The following DPF2 variants were observed in gnomAD, a reference collection of about 807,000 sequenced individuals.
DPF2 encodes the protein double PHD fingers 2.
In DPF2, 10 loss-of-function variants were observed where a neutral mutation model predicts 59.6. The ratio of observed to expected loss-of-function variants is 0.17; its 90% CI spans 0.10 to 0.28. DPF2 has a LOEUF of 0.28. Ranked by LOEUF, DPF2 falls within the 10% of genes least tolerant of loss-of-function variation. The pLI is 1.00. For missense variants in DPF2, 315 were observed against 509.4 expected, an observed-to-expected ratio of 0.62 and a Z score of 3.67; for synonymous variants, 189 against 190.6, an observed-to-expected ratio of 0.99 and a Z score of 0.07.
At chr11:65,340,189 G>A (rs1156813326) in intron 1 of DPF2, among the ~76,000 whole-genome samples, 196 bp from the exon 2 acceptor site, 1 of 152,166 alleles carries the variant, frequency 6.6e-6, no homozygotes, top group Non-Finnish European at 1.5e-5. Flanking sequence ...TAATTTATTT[G>A]TAAAGTAATT....
chr11:65,351,768 C>G lies in DPF2; in HGVS notation c.*9C>G, dbSNP rs758885245. Reference sequence around the variant, plus strand: ...ACCAGAACTCCTCTTGATGTGGCCACCCACCTGCTCCCCGACATATCTAAG... The same window carrying G: ...ACCAGAACTCCTCTTGATGTGGCCAGCCACCTGCTCCCCGACATATCTAAG... On this transcript the variant is annotated 3_prime_UTR_variant, in exon 11 of 11. Transcript: ENST00000528416. The G allele has an allele frequency of 6.2e-7, 1 of 1,612,272 alleles. No homozygotes were observed. Among genetic ancestry groups the G allele is most frequent in the African/African-American group, 1.3e-5 (1 of 74,998 alleles).
At chr11:65,339,770 C>G (rs1854309066) in intron 1 of DPF2, among the ~76,000 whole-genome samples, 1 of 152,138 alleles carries the variant, frequency 6.6e-6, no homozygotes. Flanking sequence ...AGCAGTGTAC[C>G]TTGCTTTGCT....
Position 65,349,609 on chromosome 11 carries a change from C to G in DPF2, c.1099+678C>G, listed in dbSNP as rs576963090. Among the ~76,000 whole-genome samples, 128 of 152,238 alleles carry G rather than the reference C, an allele frequency of 8.4e-4. No individual in the cohort carries two copies. The Middle Eastern group carries it at 0.01, about 12-fold the overall frequency. On this transcript the variant is annotated intron_variant, in intron 10 of 10. Transcript: ENST00000528416. The stretch of plus-strand genomic sequence containing the variant: ...AGGACATGGAGACCATCCTGGCTAA[C>G]ACGGTGAAACCCCGTCTCTACTAAA...
chr11:65,340,494 G>A lies in DPF2; in HGVS notation c.142G>A (p.Val48Ile). 6.2e-7 allele frequency: 1 copy of A among 1,614,252 alleles called. No homozygotes were observed. The highest frequency in any genetic ancestry group is 8.5e-7 in the Non-Finnish European group (1 of 1,180,042). Residue 48 changes from valine (V) to isoleucine (I), a missense_variant, in exon 2 of 11, where the codon GTA becomes ATA. By Grantham distance (29) the Val-to-Ile change is conservative (BLOSUM62 3). Transcript: ENST00000528416. ...RLPFLDSQTG[V>I]AQSNCYIWME... ...GCCTTTCTTGGACTCACAGACCGGA[G>A]TAGCCCAGAGCAATTGTTACATCTG...
At chr11:65,341,098 A>C in intron 3 of DPF2, 25 bp downstream of exon 3, 1 of 1,605,160 alleles carries the variant, frequency 6.2e-7, no homozygotes, top group Non-Finnish European at 8.5e-7. Context: ...TCCTGAGCAG[A>C]GGCGTGGCCT....
chr11:65,349,079 C>T, intron 10 of DPF2, 148 bp downstream of exon 10: 1 of 791,374 alleles, frequency 1.3e-6, no homozygotes, highest in Non-Finnish European at 2.0e-6. Flanking sequence ...GAATGCCTTC[C>T]TAACATTTCA....
intron 8 of DPF2, 72 bp from the exon 9 acceptor site, chr11:65,346,175 A>C: frequency 1.9e-6 from 3 of 1,597,672 alleles, no homozygotes; most frequent in Non-Finnish European, 2.6e-6. Context: ...GAGAAGATGT[A>C]GCCACAGGCA....
intron 1 of DPF2, among the ~76,000 whole-genome samples, chr11:65,337,640 G>A (rs1232812107): frequency 6.7e-6 from 1 of 149,386 alleles, no homozygotes; most frequent in Non-Finnish European, 1.5e-5. Flanking sequence ...GCCTCCCTCT[G>A]TCCCCCAGGC....
intron 4 of DPF2, among the ~76,000 whole-genome samples, chr11:65,342,877 G>A (rs149940807): frequency 0.01 from 1,562 of 151,606 alleles, 32 homozygotes; most frequent in African/African-American, 0.036. Context: ...AGCCAGGCGT[G>A]GTGGTGGGCA....
rs185459339 is a variant in DPF2, at chr11:65,350,469, G to C, written c.1100-1214G>C. Among the ~76,000 whole-genome samples, 101 of 145,622 alleles carry C rather than the reference G, an allele frequency of 6.9e-4. No individual in the cohort carries two copies. In the South Asian group the frequency reaches 0.021, roughly 31 times the overall value. On this transcript the variant is annotated intron_variant, in intron 10 of 10. Transcript: ENST00000528416. ...AGCTCACTGCAACCTCTGCTTCCCC[G>C]GGCTCAGGTAATCTGGTAATCCTCC... is the stretch of plus-strand genomic sequence containing the variant.
At chr11:65,336,375 C>T (rs1233975945) in intron 1 of DPF2, among the ~76,000 whole-genome samples, 1 of 151,672 alleles carries the variant, frequency 6.6e-6, no homozygotes, top group Admixed American at 6.6e-5. Flanking sequence ...ACCTGTAGTC[C>T]CAGCTACTTG....
chr11:65,341,619 C>A, intron 4 of DPF2, 57 bp downstream of exon 4: 3 of 1,601,540 alleles, frequency 1.9e-6, no homozygotes, highest in Non-Finnish European at 2.6e-6. Context: ...CTCCTCTTCA[C>A]TGGGGGCCAC....
intron 1 of DPF2, among the ~76,000 whole-genome samples, chr11:65,337,538 G>GAA (rs1565527997): frequency 1.3e-4 from 18 of 134,882 alleles, no homozygotes; most frequent in African/African-American, 5.1e-4. Context: ...GAGAGAGAGA[G>GAA]AGAGAGAGAA....
In DPF2 at chr11:65,340,650, C is replaced by T. The variant is rs7105557; in HGVS notation, c.193+105C>T. ...TGATAGGGTTTTCCCTACTGCCTTC[C>T]ACCTATGGATGAATATGGTCTTCCT... On this transcript the variant is annotated intron_variant, in intron 2 of 10. Transcript: ENST00000528416. 6.4e-5 allele frequency: 93 copies of T among 1,458,238 alleles called. No homozygotes were observed. In the African/African-American group the frequency reaches 1.2e-3, roughly 19 times the overall value. 90.3% of individuals were successfully genotyped at this position (1,458,238 alleles called of 1,614,324 possible). A position where few individuals can be genotyped will look rare whatever the true frequency, so the allele number is the denominator to read the frequency against.
intron 1 of DPF2, 151 bp downstream of exon 1, chr11:65,334,069 G>A (rs1468714137): frequency 6.1e-6 from 7 of 1,151,732 alleles, no homozygotes; most frequent in African/African-American, 3.1e-5. Context: ...AGGAGACTCC[G>A]GAGAAGACGT....
chr11:65,340,353 A>G, intron 1 of DPF2, 32 bp from the exon 2 acceptor site: 2 of 1,609,788 alleles, frequency 1.2e-6, no homozygotes, highest in African/African-American at 1.3e-5. Flanking sequence ...CCCCGCTCCA[A>G]CATACACGCC....
At chr11:65,333,945 G>A in intron 1 of DPF2, 27 bp downstream of exon 1, 1 of 1,613,072 alleles carries the variant, frequency 6.2e-7, no homozygotes, top group Non-Finnish European at 8.5e-7. Flanking sequence ...TTCTCTCCTA[G>A]GGCGGCAGGT....
chr11:65,337,502 TATAGAGAGAGAG>T (rs1415422629), intron 1 of DPF2, among the ~76,000 whole-genome samples: 18 of 33,106 alleles, frequency 5.4e-4, no homozygotes, highest in East Asian at 1.1e-3. Flanking sequence ...TATATATATA[TATAGAGAGAGAG>T]AGAGAGAGAG....
chr11:65,348,659 T>C, intron 9 of DPF2, 191 bp from the exon 10 acceptor site: 2 of 473,354 alleles, frequency 4.2e-6, no homozygotes, highest in South Asian at 3.5e-5. Context: ...AATTAGGAGC[T>C]CTGAAAGGAC....
Sources: gnomAD v4.1 joint callset for allele counts (sites outside exome capture counted in the v4.1 genomes callset) on GRCh38, gnomAD v4.1.1 for gene constraint, MANE v1.5 for transcripts, NCBI Gene and HGNC (gene_info 2026-07-23, HGNC 2026-07-21) for gene names.